The following IL1RAPL2 variants were observed in gnomAD, a reference collection of about 807,000 sequenced individuals.
IL1RAPL2 encodes X-linked interleukin-1 receptor accessory protein-like 2.
A neutral mutation model predicts 44.1 loss-of-function variants in IL1RAPL2; 3 were observed. The ratio of observed to expected loss-of-function variants is 0.07; its 90% CI spans 0.03 to 0.18. The LOEUF (loss-of-function observed/expected upper bound fraction) is 0.18. Among genes scored for constraint, IL1RAPL2 ranks in the 10% least tolerant of loss-of-function variants. The pLI, the probability that IL1RAPL2 is intolerant of heterozygous loss-of-function variation, is 1.00. For synonymous variants in IL1RAPL2, 181 were observed against 178.8 expected, an observed-to-expected ratio of 1.01 and a Z score of -0.10; for missense variants, 391 against 496.4, an observed-to-expected ratio of 0.79 and a Z score of 2.02.
At chrX:105,626,142 T>G (rs1227409121) in intron 6 of IL1RAPL2, among the ~76,000 whole-genome samples, 1 of 111,930 alleles carries the variant, frequency 8.9e-6, no homozygotes, top group African/African-American at 3.2e-5. Flanking sequence ...AGGAGGAACC[T>G]GACATAAGAA....
At chrX:105,711,652 A>G (rs145716667) in intron 6 of IL1RAPL2, among the ~76,000 whole-genome samples, 1,690 of 111,211 alleles carry the variant, frequency 0.015, 32 homozygotes, top group African/African-American at 0.052. Context: ...CATAATCTCA[A>G]AAGTCTAAAG....
intron 5 of IL1RAPL2, among the ~76,000 whole-genome samples, chrX:105,446,827 C>T (rs1049378745): frequency 4.7e-5 from 5 of 106,823 alleles, no homozygotes; most frequent in Non-Finnish European, 9.6e-5. Context: ...AGTTCACACA[C>T]CACCAATTAC....
intron 2 of IL1RAPL2, among the ~76,000 whole-genome samples, chrX:105,033,596 G>A (rs1036321767): frequency 9.0e-5 from 10 of 110,692 alleles, no homozygotes; most frequent in South Asian, 3.8e-4. Flanking sequence ...GCGATCAGCC[G>A]TTAGTCTGAT....
chrX:105,052,433 G>A (rs1035456509), intron 2 of IL1RAPL2, among the ~76,000 whole-genome samples: 6 of 111,649 alleles, frequency 5.4e-5, no homozygotes, highest in Non-Finnish European at 9.4e-5. Flanking sequence ...CTGTTATAAT[G>A]GAACACAAGG....
chrX:105,409,240 A>G (rs2035674289), intron 5 of IL1RAPL2, among the ~76,000 whole-genome samples: 1 of 108,877 alleles, frequency 9.2e-6, no homozygotes, highest in African/African-American at 3.6e-5. Context: ...CCTCCAAACC[A>G]GTCAAAATAA....
At chrX:105,766,938 T>G (rs755789135) in intron 10 of IL1RAPL2, 26 bp from the exon 11 acceptor site, 12 of 1,098,855 alleles carry the variant, frequency 1.1e-5, no homozygotes, top group Middle Eastern at 2.5e-4. Flanking sequence ...TTTGTTTTAC[T>G]CTTTCTCTCT....
chrX:105,343,988 A>G (rs957373982), intron 5 of IL1RAPL2, among the ~76,000 whole-genome samples: 1 of 109,139 alleles, frequency 9.2e-6, no homozygotes, highest in South Asian at 3.9e-4. Context: ...TCCATCTCCC[A>G]GGTTCAAGTG....
At chrX:105,106,026 G>C (rs959984722) in intron 2 of IL1RAPL2, among the ~76,000 whole-genome samples, 2 of 111,535 alleles carry the variant, frequency 1.8e-5, no homozygotes, top group East Asian at 5.6e-4. Context: ...AATAACTAAA[G>C]ATTCACCGGT....
intron 2 of IL1RAPL2, among the ~76,000 whole-genome samples, chrX:104,832,209 G>A (rs1049269395): frequency 1.3e-4 from 14 of 111,794 alleles, no homozygotes; most frequent in Non-Finnish European, 2.4e-4. Context: ...AAAAGGTTTT[G>A]AGGATAAATG....
At chrX:104,847,137 G>A (rs1196237926) in intron 2 of IL1RAPL2, among the ~76,000 whole-genome samples, 1 of 111,765 alleles carries the variant, frequency 8.9e-6, no homozygotes, top group Non-Finnish European at 1.9e-5. Context: ...CTCCCATTCT[G>A]TAGGTTGCCT....
At chrX:104,798,175 C>T (rs996588294) in intron 2 of IL1RAPL2, among the ~76,000 whole-genome samples, 1 of 111,558 alleles carries the variant, frequency 9.0e-6, no homozygotes, top group African/African-American at 3.3e-5. Flanking sequence ...CAAGAAATCT[C>T]AAAATTCTGT....
intron 2 of IL1RAPL2, among the ~76,000 whole-genome samples, chrX:104,673,342 TA>T (rs1193067773): frequency 9.0e-6 from 1 of 111,501 alleles, no homozygotes; most frequent in Non-Finnish European, 1.9e-5. Context: ...CAGCACCATT[TA>T]TTAAATAGGG....
intron 2 of IL1RAPL2, among the ~76,000 whole-genome samples, chrX:104,903,280 T>C (rs747904404): frequency 4.5e-5 from 5 of 112,248 alleles, no homozygotes; most frequent in African/African-American, 1.6e-4. Context: ...CATTAAGTTA[T>C]CATTTTATAT....
chrX:104,908,551 C>A (rs1924116322), intron 2 of IL1RAPL2, among the ~76,000 whole-genome samples: 1 of 110,847 alleles, frequency 9.0e-6, no homozygotes, highest in African/African-American at 3.3e-5. Flanking sequence ...TTTATTTCTC[C>A]TTCACTTATG....
chrX:105,391,266 G>A, intron 5 of IL1RAPL2, among the ~76,000 whole-genome samples: 1 of 111,593 alleles, frequency 9.0e-6, no homozygotes, highest in Non-Finnish European at 1.9e-5. Flanking sequence ...TATTTAAAAT[G>A]TGCTGATCTG....
At chrX:105,711,081 T>C (rs145598253) in intron 6 of IL1RAPL2, among the ~76,000 whole-genome samples, 1,665 of 109,369 alleles carry the variant, frequency 0.015, 33 homozygotes, top group African/African-American at 0.052. Context: ...TCCCTCTCAG[T>C]GAAGCTACAC....
chrX:104,752,240 A>C (rs994652241), intron 2 of IL1RAPL2, among the ~76,000 whole-genome samples: 2 of 109,416 alleles, frequency 1.8e-5, no homozygotes, highest in African/African-American at 6.7e-5. Context: ...TACCATTTAA[A>C]ATAATGTTGT....
chrX:105,418,218 G>GA (rs112637742), intron 5 of IL1RAPL2, among the ~76,000 whole-genome samples: 21 of 104,843 alleles, frequency 2.0e-4, no homozygotes, highest in Admixed American at 3.1e-4. Context: ...ATAGTTGACT[G>GA]AAAAAAAAAA....
chrX:105,133,286 A>G (rs2033045487), intron 2 of IL1RAPL2, among the ~76,000 whole-genome samples: 3 of 111,999 alleles, frequency 2.7e-5, no homozygotes, highest in South Asian at 7.3e-4. Context: ...TTAATAGACT[A>G]TGGTTGATAG....
Sources: allele counts gnomAD v4.1 joint callset (sites outside exome capture counted in the v4.1 genomes callset), GRCh38; gene constraint gnomAD v4.1.1; transcripts MANE v1.5; gene names NCBI Gene and HGNC (gene_info 2026-07-23, HGNC 2026-07-21).